ADAM10: variants seen among roughly 807,000 people sequenced by gnomAD.
ADAM10 encodes the protein ADAM metallopeptidase domain 10.
Under a neutral mutation model 90.1 loss-of-function variants are expected in ADAM10, and 17 were observed. The ratio of observed to expected loss-of-function variants is 0.19; its 90% CI spans 0.13 to 0.28. The LOEUF (loss-of-function observed/expected upper bound fraction) is 0.28. ADAM10 is among the 10% of genes least tolerant of loss of function. The pLI is 1.00. For synonymous variants in ADAM10, 310 were observed against 298.6 expected, an observed-to-expected ratio of 1.04 and a Z score of -0.40; for missense variants, 610 against 914.3, an observed-to-expected ratio of 0.67 and a Z score of 4.29.
At chr15:58,729,991 C>CAAAAAAA (rs759912748) in intron 1 of ADAM10, among the ~76,000 whole-genome samples, 1 of 120,910 alleles carries the variant, frequency 8.3e-6, no homozygotes, top group Non-Finnish European at 1.7e-5. Context: ...AAAAACAAAA[C>CAAAAAAA]AAACAAACAA....
intron 3 of ADAM10, 135 bp downstream of exon 3, chr15:58,682,061 C>T: frequency 8.3e-7 from 1 of 1,197,994 alleles, no homozygotes; most frequent in Admixed American, 2.3e-5. Context: ...TCTCAAAGAC[C>T]ATTACCCTTC....
intron 4 of ADAM10, among the ~76,000 whole-genome samples, chr15:58,677,304 C>A (rs548835650): frequency 7.9e-5 from 12 of 152,152 alleles, no homozygotes; most frequent in African/African-American, 2.9e-4. Context: ...TTACCACAAA[C>A]ATATATTTAC....
intron 1 of ADAM10, among the ~76,000 whole-genome samples, chr15:58,736,410 C>G (rs1318983681): frequency 6.6e-6 from 1 of 151,684 alleles, no homozygotes; most frequent in Non-Finnish European, 1.5e-5. Context: ...CATGGGAAAT[C>G]TGAAAAGCAT....
chr15:58,700,669 G>A (rs1034502967), intron 2 of ADAM10, among the ~76,000 whole-genome samples: 6 of 151,934 alleles, frequency 3.9e-5, no homozygotes, highest in Admixed American at 1.3e-4. Flanking sequence ...GCACCTCAAG[G>A]AACTAGTAAA....
intron 2 of ADAM10, among the ~76,000 whole-genome samples, chr15:58,697,189 G>T (rs1898004073): frequency 1.3e-5 from 2 of 152,152 alleles, no homozygotes; most frequent in African/African-American, 4.8e-5. Context: ...TATTGGCAGT[G>T]ACCCTGCTGC....
chr15:58,671,453 A>G (rs979800531), intron 4 of ADAM10, among the ~76,000 whole-genome samples: 8 of 152,180 alleles, frequency 5.3e-5, no homozygotes, highest in African/African-American at 9.7e-5. Context: ...TACAAACATA[A>G]ATCTATGAAT....
At chr15:58,623,442 C>G (rs927167468) in intron 10 of ADAM10, among the ~76,000 whole-genome samples, 1 of 152,188 alleles carries the variant, frequency 6.6e-6, no homozygotes, top group African/African-American at 2.4e-5. Flanking sequence ...ACCACATCGA[C>G]TATTTTTTAA....
intron 4 of ADAM10, among the ~76,000 whole-genome samples, chr15:58,675,229 G>C (rs1897284167): frequency 6.6e-6 from 1 of 151,770 alleles, no homozygotes; most frequent in Non-Finnish European, 1.5e-5. Context: ...ACCCCACAAA[G>C]GAAAATAAAT....
At chr15:58,710,481 G>A (rs1392592938) in intron 2 of ADAM10, among the ~76,000 whole-genome samples, 4 of 152,032 alleles carry the variant, frequency 2.6e-5, no homozygotes, top group Non-Finnish European at 5.9e-5. Flanking sequence ...TATCCCTTCA[G>A]ATTTCTTTAC....
intron 1 of ADAM10, among the ~76,000 whole-genome samples, chr15:58,735,321 C>G (rs1053611870): frequency 2.6e-5 from 4 of 152,142 alleles, no homozygotes. Flanking sequence ...GATATATTAC[C>G]TACGCAGGAC....
chr15:58,682,489 T>C (rs965060308), intron 2 of ADAM10, among the ~76,000 whole-genome samples, 175 bp from the exon 3 acceptor site: 2 of 152,194 alleles, frequency 1.3e-5, no homozygotes, highest in African/African-American at 2.4e-5. Context: ...GTCAACTTAG[T>C]AGCTGTGGTA....
At chr15:58,716,561 CAA>C (rs1898665067) in intron 2 of ADAM10, among the ~76,000 whole-genome samples, 1 of 152,006 alleles carries the variant, frequency 6.6e-6, no homozygotes, top group African/African-American at 2.4e-5. Context: ...GCAAGTAAAA[CAA>C]AGTAAGTTTA....
At position 58,655,711 on chromosome 15, in the gene ADAM10, G is replaced by GTGTGTATATA. The variant is rs1212041296; in HGVS notation, c.585+9385_585+9386insTATATACACA. ...ATTATATATAGTATATATATATATAGTATATATATATATATATATATATAT... is the reference window on the plus strand; with the variant it reads ...ATTATATATAGTATATATATATATAGTGTGTATATATATATATATATATATATATATATAT... On this transcript the variant is annotated intron_variant, in intron 5 of 15. Transcript: ENST00000260408. Among the ~76,000 whole-genome samples the GTGTGTATATA allele has an allele frequency of 6.0e-4, 32 of 53,704 alleles. 1 individual carries two copies. The highest frequency in any genetic ancestry group is 2.9e-3 in the East Asian group (5 of 1,720). 35.2% of individuals were successfully genotyped at this position (53,704 alleles called of 152,430 possible).
intron 5 of ADAM10, among the ~76,000 whole-genome samples, chr15:58,647,511 G>A (rs868488965): frequency 1.3e-5 from 2 of 151,224 alleles, no homozygotes; most frequent in Non-Finnish European, 2.9e-5. Flanking sequence ...TGATCCGCCC[G>A]CCTCGGCCTC....
chr15:58,601,733 G>A (rs765644623), intron 14 of ADAM10, among the ~76,000 whole-genome samples: 3 of 152,114 alleles, frequency 2.0e-5, no homozygotes, highest in Non-Finnish European at 4.4e-5. Flanking sequence ...TAGCCACCAT[G>A]TTTCTTTTCT....
intron 14 of ADAM10, among the ~76,000 whole-genome samples, chr15:58,608,069 C>T (rs755680935): frequency 3.9e-5 from 6 of 152,294 alleles, no homozygotes; most frequent in African/African-American, 7.2e-5. Flanking sequence ...TCAGCAAATA[C>T]AGTAAATGTA....
rs200538884 is a variant in ADAM10, at chr15:58,611,099, T to C, written c.1704A>G (p.Ala568=). ...AGCCATATTTCTCACAGATAGAACCTGCACATTGCTAGAAGAAAAATAAAA... is the reference window on the plus strand; with the variant it reads ...AGCCATATTTCTCACAGATAGAACCCGCACATTGCTAGAAGAAAAATAAAA... ...HTQVCINGQC[A]GSICEKYGLE... Residue 568 remains alanine (A), a synonymous_variant, in exon 13 of 16, where the codon GCA becomes GCG. Transcript: ENST00000260408. The C allele has an allele frequency of 5.0e-6, 8 of 1,612,056 alleles. No homozygotes were observed. The highest frequency in any genetic ancestry group is 6.8e-6 in the Non-Finnish European group (8 of 1,178,264).
chr15:58,734,283 T>C (rs530460281), intron 1 of ADAM10, among the ~76,000 whole-genome samples: 20 of 152,144 alleles, frequency 1.3e-4, no homozygotes, highest in Non-Finnish European at 2.5e-4. Context: ...ATTTTTTTCA[T>C]TTAAACCACC....
intron 2 of ADAM10, among the ~76,000 whole-genome samples, chr15:58,686,902 C>T (rs1897618642): frequency 6.6e-6 from 1 of 152,086 alleles, no homozygotes; most frequent in South Asian, 2.1e-4. Flanking sequence ...CCAAAATGCA[C>T]CTCTTTCATA....
Sources: gnomAD v4.1 joint callset for allele counts (sites outside exome capture counted in the v4.1 genomes callset) on GRCh38, gnomAD v4.1.1 for gene constraint, MANE v1.5 for transcripts, NCBI Gene and HGNC (gene_info 2026-07-23, HGNC 2026-07-21) for gene names.